Variants in GALNT11 observed in about 807,000 individuals in gnomAD.
The protein encoded by GALNT11 is polypeptide N-acetylgalactosaminyltransferase 11.
In GALNT11, 47 loss-of-function variants were observed where a neutral mutation model predicts 72.7. The observed-to-expected ratio is 0.65, with a 90% CI of 0.51 to 0.82. GALNT11 has a LOEUF of 0.82. Among genes scored for constraint, GALNT11 ranks in the 40% least tolerant of loss-of-function variants. GALNT11 has a pLI of 0.00. For missense variants in GALNT11, 677 were observed against 778.4 expected (o/e 0.87, Z 1.55); for synonymous variants, 270 against 286.6 (o/e 0.94, Z 0.58).
intron 1 of GALNT11, among the ~76,000 whole-genome samples, chr7:152,084,320 T>C (rs1349033636): frequency 6.7e-6 from 1 of 149,936 alleles, no homozygotes; most frequent in East Asian, 1.9e-4. Flanking sequence ...GGATGATGAC[T>C]TGAGCCTAGA....
At chr7:152,078,747 T>G (rs1412518146) in intron 1 of GALNT11, among the ~76,000 whole-genome samples, 1 of 152,252 alleles carries the variant, frequency 6.6e-6, no homozygotes, top group Non-Finnish European at 1.5e-5. Context: ...TTACATGTTT[T>G]TTTTAATCAC....
Position 152,087,661 on chromosome 7 carries a change from G to T in GALNT11, c.-38-6529G>T, listed in dbSNP as rs531242572. ...AGATACTTTTCAGCACTTTCTGTGG[G>T]CTATTCATTGTGCTAAGTGAAGGGA... On this transcript the variant is annotated intron_variant, in intron 1 of 11. Coordinates refer to ENST00000430044, the MANE Select transcript of GALNT11 (RefSeq NM_022087.4). Among the ~76,000 whole-genome samples the T allele has an allele frequency of 4.3e-4, 66 of 152,274 alleles. 3 individuals are homozygous for T. In the South Asian group the frequency reaches 0.014, roughly 32 times the overall value.
chr7:152,048,008 C>T (rs2083226312), intron 1 of GALNT11, among the ~76,000 whole-genome samples: 1 of 151,814 alleles, frequency 6.6e-6, no homozygotes, highest in African/African-American at 2.4e-5. Context: ...GAGTTTTGTA[C>T]CTTCAGACAC....
At position 152,094,213 on chromosome 7, in the gene GALNT11, T is replaced by A. The variant is rs1254083290; in HGVS notation, c.-15T>A. 2 of 1,564,442 alleles carry A rather than the reference T, an allele frequency of 1.3e-6. No homozygotes were observed. The highest frequency in any genetic ancestry group is 8.6e-7 in the Non-Finnish European group (1 of 1,156,324). On this transcript the variant is annotated 5_prime_UTR_variant, in exon 2 of 12. Coordinates refer to ENST00000430044, the MANE Select transcript of GALNT11 (RefSeq NM_022087.4). This position sits in a 1 kb window ranked among gnomAD's most constrained non-coding sequence, Gnocchi z 4.3. ...AGGAAATTGACAATGGCCCTTCAGCTATGCTAGGTCTATAATGGGAAGTGT... is the reference window on the plus strand; with the variant it reads ...AGGAAATTGACAATGGCCCTTCAGCAATGCTAGGTCTATAATGGGAAGTGT...
chr7:152,121,771 C>A lies in GALNT11; in HGVS notation c.*94C>A. ...AAAGCCTGGGTTGGGTGGAGCAGAA[C>A]CATCTTGGAGAAGATGACAGTTCCC... On this transcript the variant is annotated 3_prime_UTR_variant, in exon 12 of 12. Coordinates refer to ENST00000430044, the MANE Select transcript of GALNT11 (RefSeq NM_022087.4). 6.8e-7 allele frequency: 1 copy of A among 1,477,954 alleles called. No individual in the cohort carries two copies. Among genetic ancestry groups the A allele is most frequent in the Non-Finnish European group, 9.2e-7 (1 of 1,092,348 alleles). The allele number at this position is 1,477,954 out of a possible 1,614,324, so 91.6% of individuals were successfully genotyped here.
chr7:152,051,220 T>G (rs1168529451), intron 1 of GALNT11, among the ~76,000 whole-genome samples: 1 of 149,000 alleles, frequency 6.7e-6, no homozygotes, highest in Non-Finnish European at 1.5e-5. Context: ...TTTTTTTTTT[T>G]TTTTTTCAGT....
At chr7:152,031,162 G>T (rs1319162170) in intron 1 of GALNT11, among the ~76,000 whole-genome samples, 3 of 152,198 alleles carry the variant, frequency 2.0e-5, no homozygotes, top group African/African-American at 4.8e-5. Context: ...CTGGTCCTTG[G>T]GGGAGGAGGC....
chr7:152,098,210 G>C (rs1167147255), intron 2 of GALNT11, among the ~76,000 whole-genome samples: 1 of 152,106 alleles, frequency 6.6e-6, no homozygotes. Flanking sequence ...CCAGCACTTT[G>C]GGAGGCTGAG....
chr7:152,029,505 AACTTT>A (rs2082204670), intron 1 of GALNT11, among the ~76,000 whole-genome samples: 2 of 152,234 alleles, frequency 1.3e-5, no homozygotes, highest in South Asian at 4.1e-4. Flanking sequence ...ACTTTTAGCA[AACTTT>A]ACTTTTGTTG....
intron 1 of GALNT11, among the ~76,000 whole-genome samples, chr7:152,066,035 A>C (rs1034219242): frequency 6.6e-6 from 1 of 152,232 alleles, no homozygotes; most frequent in African/African-American, 2.4e-5. Flanking sequence ...CCCTGCCCCC[A>C]GAGGTGGAGT....
Position 152,105,231 on chromosome 7 carries a change from G to A in GALNT11, c.587-14G>A, listed in dbSNP as rs762742780. On this transcript the variant is annotated splice_polypyrimidine_tract_variant and intron_variant, in intron 4 of 11. Transcript: ENST00000430044. The stretch of plus-strand genomic sequence containing the variant: ...TCTCATACAGTTTGAATAATTGTGG[G>A]ACTTTATTTTCAGATGATTTGAAAG... 1 of 1,610,928 alleles carries A rather than the reference G, an allele frequency of 6.2e-7. No homozygotes were observed. Among genetic ancestry groups the A allele is most frequent in the African/African-American group, 1.3e-5 (1 of 74,770 alleles).
chr7:152,113,782 G>A (rs569976771), intron 8 of GALNT11, among the ~76,000 whole-genome samples: 2 of 128,346 alleles, frequency 1.6e-5, no homozygotes, highest in Admixed American at 8.7e-5. Context: ...TGTCACCCAG[G>A]CAGGAGTGCA....
At chr7:152,116,989 A>C (rs1182179744) in intron 8 of GALNT11, 168 bp from the exon 9 acceptor site, 1 of 720,996 alleles carries the variant, frequency 1.4e-6, no homozygotes, top group Non-Finnish European at 2.5e-6. Flanking sequence ...TTTGAGACCC[A>C]CTGATCTCAT....
intron 7 of GALNT11, among the ~76,000 whole-genome samples, chr7:152,111,000 C>A (rs1012631059): frequency 3.3e-5 from 5 of 151,738 alleles, no homozygotes; most frequent in Admixed American, 2.0e-4. Context: ...CCATGACTAT[C>A]TTTATTGACA....
At chr7:152,027,113 G>C (rs2082057228) in intron 1 of GALNT11, among the ~76,000 whole-genome samples, 1 of 152,098 alleles carries the variant, frequency 6.6e-6, no homozygotes, top group African/African-American at 2.4e-5. Flanking sequence ...GCCGGGCGTG[G>C]TGGCAGGCGC....
chr7:152,112,628 A>C (rs1381094688), intron 7 of GALNT11, among the ~76,000 whole-genome samples: 1 of 151,974 alleles, frequency 6.6e-6, no homozygotes, highest in African/African-American at 2.4e-5. Flanking sequence ...TATGCTTCTT[A>C]TTTAATAGAT....
chr7:152,105,112 A>G (rs747888383), intron 4 of GALNT11, 133 bp from the exon 5 acceptor site: 302 of 955,662 alleles, frequency 3.2e-4, no homozygotes, highest in Non-Finnish European at 4.4e-4. Flanking sequence ...CTTTTAAAGT[A>G]AAATATTCTG....
At chr7:152,079,985 T>G (rs1464640650) in intron 1 of GALNT11, among the ~76,000 whole-genome samples, 1 of 152,248 alleles carries the variant, frequency 6.6e-6, no homozygotes, top group Non-Finnish European at 1.5e-5. Flanking sequence ...TTAAATATTA[T>G]GAAAATTAGT....
At chr7:152,050,808 G>A (rs1213712248) in intron 1 of GALNT11, among the ~76,000 whole-genome samples, 1 of 152,214 alleles carries the variant, frequency 6.6e-6, no homozygotes, top group Non-Finnish European at 1.5e-5. Context: ...CCACCACCAG[G>A]ATGGGCAATT....
Sources: gnomAD v4.1 joint callset for allele counts (sites outside exome capture counted in the v4.1 genomes callset) on GRCh38, gnomAD v4.1.1 for gene constraint, Gnocchi (gnomAD v3.1) non-coding constraint, MANE v1.5 for transcripts, NCBI Gene and HGNC (gene_info 2026-07-23, HGNC 2026-07-21) for gene names.